VWA8: variants seen among roughly 807,000 people sequenced by gnomAD.
VWA8 encodes the protein von Willebrand factor A domain-containing protein 8.
In VWA8, 221 loss-of-function variants were observed where a neutral mutation model predicts 241.5. The observed-to-expected ratio is 0.91, with a 90% CI of 0.82 to 1.02. The LOEUF (loss-of-function observed/expected upper bound fraction) is 1.02, where lower values mean the gene tolerates loss of function less well. VWA8 is among the 50% of genes least tolerant of loss of function. The probability of loss-of-function intolerance (pLI) is 0.00; values close to 1 mark genes in which losing one functional copy is unlikely to be tolerated. For synonymous variants in VWA8, 852 were observed against 827.1 expected (o/e 1.03, Z -0.52); for missense variants, 2,322 against 2,328.7 (o/e 1.00, Z 0.06).
chr13:41,645,625 C>T (rs1235436893), intron 37 of VWA8, among the ~76,000 whole-genome samples: 2 of 152,044 alleles, frequency 1.3e-5, no homozygotes, highest in Non-Finnish European at 2.9e-5. Context: ...AAAGAGGTGG[C>T]ATGAGAGCGA....
intron 37 of VWA8, among the ~76,000 whole-genome samples, chr13:41,668,344 A>C (rs1382417493): frequency 1.3e-5 from 2 of 152,132 alleles, no homozygotes; most frequent in Non-Finnish European, 2.9e-5. Context: ...CCATCTGGCC[A>C]CTAGATGGAG....
intron 37 of VWA8, among the ~76,000 whole-genome samples, chr13:41,618,538 G>T (rs1190695622): frequency 3.3e-5 from 5 of 151,916 alleles, no homozygotes; most frequent in African/African-American, 9.7e-5. Context: ...TTTCGTCATG[G>T]AGTCCTTGCT....
At chr13:41,750,395 T>C (rs1370700578) in intron 21 of VWA8, among the ~76,000 whole-genome samples, 1 of 150,850 alleles carries the variant, frequency 6.6e-6, no homozygotes, top group Non-Finnish European at 1.5e-5. Flanking sequence ...ATCATGCCAC[T>C]GGACTCCATC....
At chr13:41,748,601 C>G (rs1036719698) in intron 21 of VWA8, among the ~76,000 whole-genome samples, 8 of 152,144 alleles carry the variant, frequency 5.3e-5, no homozygotes, top group Non-Finnish European at 1.0e-4. Flanking sequence ...CTATCTCCTT[C>G]AGTTCTGCTC....
chr13:41,828,532 C>G (rs544255911), intron 14 of VWA8, among the ~76,000 whole-genome samples: 24 of 152,198 alleles, frequency 1.6e-4, no homozygotes, highest in Non-Finnish European at 7.4e-5. Flanking sequence ...TTTTAACTCA[C>G]AGAAAATGTC....
Position 41,727,201 on chromosome 13 carries a change from A to G in VWA8, c.2751T>C (p.Gly917=). ...GFPFLGNDFF[G]TLGDIFSCHA... The stretch of plus-strand genomic sequence containing the variant: ...TATCATTACTGTTTTTACCTAAGGT[A>G]CCGAAGAAATCATTGCCTAGGAAAG... Residue 917 remains glycine, a synonymous_variant, in exon 24 of 45, where the codon GGT becomes GGC. Coordinates refer to ENST00000379310, the MANE Select transcript of VWA8 (RefSeq NM_015058.2). 1.3e-6 allele frequency: 2 copies of G among 1,545,352 alleles called. No individual in the cohort carries two copies. The highest frequency in any genetic ancestry group is 1.4e-5 in the African/African-American group (1 of 72,800).
At chr13:41,881,465 T>C (rs867887822) in intron 9 of VWA8, among the ~76,000 whole-genome samples, 18 of 135,556 alleles carry the variant, frequency 1.3e-4, no homozygotes, top group Non-Finnish European at 9.5e-5. Context: ...TGTCTACCTC[T>C]TTCTACACAG....
chr13:41,882,414 G>A (rs1354636864), intron 9 of VWA8, among the ~76,000 whole-genome samples: 1 of 152,214 alleles, frequency 6.6e-6, no homozygotes, highest in Non-Finnish European at 1.5e-5. Flanking sequence ...CGGCCAGGCA[G>A]AGGCTGCAAT....
In VWA8 at chr13:41,644,276, C is replaced by CA. The variant is rs35292365; in HGVS notation, c.4611+26669dup. Reference sequence around the variant, plus strand: ...CCTAGGCATCTTGTACCACCCCCGCCAAAAAAAAAAACCAGAGTGTAGAGA... The same window carrying CA: ...CCTAGGCATCTTGTACCACCCCCGCCAAAAAAAAAAAACCAGAGTGTAGAGA... On this transcript the variant is annotated intron_variant, in intron 37 of 44. Coordinates refer to ENST00000379310, the MANE Select transcript of VWA8 (RefSeq NM_015058.2). Among the ~76,000 whole-genome samples the CA allele has an allele frequency of 3.0e-3, 427 of 141,072 alleles. 2 individuals are homozygous for CA. Among genetic ancestry groups the CA allele is most frequent in the Non-Finnish European group, 4.2e-3 (271 of 64,190 alleles). 92.5% of individuals were successfully genotyped at this position (141,072 alleles called of 152,430 possible). A position where few individuals can be genotyped will look rare whatever the true frequency, so the allele number is the denominator to read the frequency against.
intron 4 of VWA8, among the ~76,000 whole-genome samples, chr13:41,892,259 AT>A (rs1246341519): frequency 2.0e-5 from 3 of 152,232 alleles, no homozygotes; most frequent in Non-Finnish European, 4.4e-5. Context: ...TATGAAAAAA[AT>A]ATTTTCCTTT....
intron 37 of VWA8, among the ~76,000 whole-genome samples, chr13:41,619,134 T>C (rs1038275129): frequency 6.6e-6 from 1 of 152,212 alleles, no homozygotes; most frequent in Non-Finnish European, 1.5e-5. Flanking sequence ...TTTGTTTGTG[T>C]CCTATTTCAT....
At chr13:41,841,855 A>ATATATG (rs1423970442) in intron 12 of VWA8, among the ~76,000 whole-genome samples, 5 of 89,016 alleles carry the variant, frequency 5.6e-5, no homozygotes, top group African/African-American at 2.6e-4. Context: ...ATATATATAT[A>ATATATG]TATAAAAACA....
At chr13:41,920,861 G>T (rs189197418) in intron 2 of VWA8, among the ~76,000 whole-genome samples, 121 of 152,298 alleles carry the variant, frequency 7.9e-4, no homozygotes, top group African/African-American at 2.8e-3. Context: ...GAAGTACAAA[G>T]AGGAGTTGAT....
At chr13:41,636,364 G>C (rs958079947) in intron 37 of VWA8, among the ~76,000 whole-genome samples, 7 of 152,274 alleles carry the variant, frequency 4.6e-5, no homozygotes, top group African/African-American at 1.4e-4. Context: ...TGGGAAAACT[G>C]GCTAGCCATA....
chr13:41,589,578 C>T (rs1024391225), intron 41 of VWA8, among the ~76,000 whole-genome samples: 1 of 152,120 alleles, frequency 6.6e-6, no homozygotes, highest in Non-Finnish European at 1.5e-5. Flanking sequence ...TCTCACTGAC[C>T]TTCCTCCCTC....
intron 2 of VWA8, among the ~76,000 whole-genome samples, chr13:41,948,106 A>C (rs1333699434): frequency 6.6e-6 from 1 of 152,206 alleles, no homozygotes; most frequent in African/African-American, 2.4e-5. Context: ...TATTCACAAT[A>C]GTCCGAAAGT....
chr13:41,738,073 A>G (rs2045539153), intron 21 of VWA8, among the ~76,000 whole-genome samples: 1 of 152,204 alleles, frequency 6.6e-6, no homozygotes, highest in Admixed American at 6.5e-5. Flanking sequence ...AAAGTAAGGA[A>G]GACAAAAGAG....
intron 2 of VWA8, among the ~76,000 whole-genome samples, chr13:41,924,062 G>T (rs1876703007): frequency 6.6e-6 from 1 of 151,954 alleles, no homozygotes; most frequent in Non-Finnish European, 1.5e-5. Context: ...TGACCCCAAA[G>T]AAATGGATAT....
At chr13:41,593,520 T>G (rs73464917) in intron 40 of VWA8, among the ~76,000 whole-genome samples, 3,099 of 152,286 alleles carry the variant, frequency 0.02, 109 homozygotes, top group African/African-American at 0.07. Context: ...CAGACAACCT[T>G]GACCACACAG....
Sources: gnomAD v4.1 joint callset for allele counts (sites outside exome capture counted in the v4.1 genomes callset) on GRCh38, gnomAD v4.1.1 for gene constraint, MANE v1.5 for transcripts, NCBI Gene and HGNC (gene_info 2026-07-23, HGNC 2026-07-21) for gene names.